The following CELF4 variants were observed in gnomAD, a reference collection of about 807,000 sequenced individuals.
CELF4 encodes the protein CUG-BP- and ETR-3-like factor 4.
CELF4 carries 18 observed loss-of-function variants against 59.9 expected under a neutral mutation model. That is an observed-to-expected ratio of 0.30 (90% confidence interval 0.21 to 0.45). The LOEUF (loss-of-function observed/expected upper bound fraction) is 0.45, where lower values mean the gene tolerates loss of function less well. Ranked by LOEUF, CELF4 falls within the 20% of genes least tolerant of loss-of-function variation. The pLI is 1.00. For missense variants in CELF4, 456 were observed against 689.0 expected (o/e 0.66, Z 3.79); for synonymous variants, 261 against 267.1 (o/e 0.98, Z 0.22).
At chr18:37,262,538 C>T (rs1051241801) in intron 10 of CELF4, among the ~76,000 whole-genome samples, 2 of 152,146 alleles carry the variant, frequency 1.3e-5, no homozygotes, top group African/African-American at 4.8e-5. Flanking sequence ...CAGTTTAAGG[C>T]CTGCAGTAGG....
At chr18:37,497,383 G>C (rs943721895) in intron 1 of CELF4, among the ~76,000 whole-genome samples, 12 of 152,362 alleles carry the variant, frequency 7.9e-5, no homozygotes, top group African/African-American at 2.6e-4. Context: ...GCTGGGTGTA[G>C]TGGCTCAGGC....
chr18:37,492,354 C>T (rs530949455), intron 1 of CELF4, among the ~76,000 whole-genome samples: 4 of 152,280 alleles, frequency 2.6e-5, no homozygotes, highest in Admixed American at 6.5e-5. Context: ...TCCTCACCCC[C>T]GGCTGCACCT....
chr18:37,477,997 A>T (rs1569569587), intron 2 of CELF4, among the ~76,000 whole-genome samples: 1 of 152,166 alleles, frequency 6.6e-6, no homozygotes, highest in Non-Finnish European at 1.5e-5. Context: ...GGGAGCAGGC[A>T]GTCTGGCTGC....
intron 2 of CELF4, among the ~76,000 whole-genome samples, chr18:37,397,153 T>C (rs2099255413): frequency 6.6e-6 from 1 of 152,220 alleles, no homozygotes; most frequent in African/African-American, 2.4e-5. Context: ...TAAGGACTGC[T>C]GCTGTCCTCT....
intron 3 of CELF4, among the ~76,000 whole-genome samples, chr18:37,282,490 A>C (rs548192163): frequency 5.4e-4 from 82 of 152,308 alleles, no homozygotes; most frequent in African/African-American, 1.9e-3. Flanking sequence ...ACATCTGTGC[A>C]GTTTTCAAGG....
intron 2 of CELF4, among the ~76,000 whole-genome samples, chr18:37,415,110 C>T (rs1325508993): frequency 2.0e-5 from 3 of 152,086 alleles, no homozygotes; most frequent in Admixed American, 2.0e-4. Context: ...GAAAATATGT[C>T]TGTCAGGCAG....
chr18:37,550,344 A>G (rs1298038598), intron 1 of CELF4, among the ~76,000 whole-genome samples: 1 of 152,176 alleles, frequency 6.6e-6, no homozygotes, highest in African/African-American at 2.4e-5. Flanking sequence ...GAGAGATTAG[A>G]TAAAAATCAG....
chr18:37,328,943 C>T (rs898672899), intron 2 of CELF4, among the ~76,000 whole-genome samples: 1 of 152,154 alleles, frequency 6.6e-6, no homozygotes, highest in Non-Finnish European at 1.5e-5. Flanking sequence ...AAATATAAAG[C>T]CTTTCCTTCT....
At chr18:37,324,344 C>T (rs1310902080) in intron 2 of CELF4, among the ~76,000 whole-genome samples, 2 of 152,144 alleles carry the variant, frequency 1.3e-5, no homozygotes, top group Non-Finnish European at 2.9e-5. Flanking sequence ...GGGCCCTCAT[C>T]CCATATGATT....
chr18:37,478,667 A>G (rs1569569589), intron 2 of CELF4, among the ~76,000 whole-genome samples: 1 of 152,214 alleles, frequency 6.6e-6, no homozygotes, highest in Non-Finnish European at 1.5e-5. Flanking sequence ...AAGATTTTGC[A>G]TGAACACAGT....
At chr18:37,538,704 G>C (rs1333222133) in intron 1 of CELF4, among the ~76,000 whole-genome samples, 1 of 152,156 alleles carries the variant, frequency 6.6e-6, no homozygotes, top group African/African-American at 2.4e-5. Flanking sequence ...AGATCCTAGA[G>C]GGCAGTGTGA....
At chr18:37,318,574 T>C (rs2096953602) in intron 3 of CELF4, among the ~76,000 whole-genome samples, 1 of 151,894 alleles carries the variant, frequency 6.6e-6, no homozygotes, top group Non-Finnish European at 1.5e-5. Context: ...ATCTCACTGT[T>C]TAATATTGAA....
chr18:37,520,362 G>A (rs2099955923), intron 1 of CELF4, among the ~76,000 whole-genome samples: 2 of 152,084 alleles, frequency 1.3e-5, no homozygotes, highest in Non-Finnish European at 2.9e-5. Context: ...AGTTAAATAG[G>A]GCATGTCTTC....
intron 1 of CELF4, among the ~76,000 whole-genome samples, chr18:37,525,065 A>G (rs4799937): frequency 0.89 from 136,135 of 152,174 alleles, 61,280 homozygotes; most frequent in East Asian, 0.97. Context: ...TTGCTTGGCC[A>G]GCCGACCACC....
intron 2 of CELF4, among the ~76,000 whole-genome samples, chr18:37,425,946 C>T (rs2099609481): frequency 6.6e-6 from 1 of 152,228 alleles, no homozygotes; most frequent in Non-Finnish European, 1.5e-5. Context: ...GAGGGAGAGG[C>T]TTCTCTGCCA....
At chr18:37,314,629 T>A (rs2096795946) in intron 3 of CELF4, among the ~76,000 whole-genome samples, 1 of 151,708 alleles carries the variant, frequency 6.6e-6, no homozygotes, top group Non-Finnish European at 1.5e-5. Flanking sequence ...GTCCCAGGGG[T>A]TCTGCAGATA....
intron 2 of CELF4, among the ~76,000 whole-genome samples, chr18:37,340,312 G>C (rs2097954318): frequency 6.6e-6 from 1 of 152,222 alleles, no homozygotes; most frequent in South Asian, 2.1e-4. Context: ...AGCTGGGCTG[G>C]GCTCAGCCCT....
At chr18:37,548,272 C>T (rs2099982076) in intron 1 of CELF4, among the ~76,000 whole-genome samples, 2 of 152,118 alleles carry the variant, frequency 1.3e-5, no homozygotes, top group African/African-American at 4.8e-5. Context: ...AAGAGATGAT[C>T]TTTTTATTTA....
intron 2 of CELF4, 81 bp from the exon 3 acceptor site, chr18:37,321,962 G>T: frequency 8.8e-7 from 1 of 1,137,008 alleles, no homozygotes; most frequent in Non-Finnish European, 1.3e-6. Flanking sequence ...GTGCACAGGT[G>T]AATGCGAGTA....
Sources: gnomAD v4.1 joint callset for allele counts (sites outside exome capture counted in the v4.1 genomes callset) on GRCh38, gnomAD v4.1.1 for gene constraint, MANE v1.5 for transcripts, NCBI Gene and HGNC (gene_info 2026-07-23, HGNC 2026-07-21) for gene names.